Variants in RIPK4 observed in about 807,000 individuals in gnomAD.
RIPK4 encodes receptor interacting serine/threonine kinase 4.
RIPK4 carries 17 observed loss-of-function variants against 42.9 expected under a neutral mutation model. The ratio of observed to expected loss-of-function variants is 0.40; its 90% CI spans 0.27 to 0.59. RIPK4 has a LOEUF of 0.59. Ranked by LOEUF, RIPK4 falls within the 20% of genes least tolerant of loss-of-function variation. The pLI is 0.47. For missense variants in RIPK4, 897 were observed against 1,104.4 expected, an observed-to-expected ratio of 0.81 and a Z score of 2.66; for synonymous variants, 498 against 499.1, an observed-to-expected ratio of 1.00 and a Z score of 0.03.
intron 1 of RIPK4, among the ~76,000 whole-genome samples, chr21:41,761,036 T>C (rs1230492612): frequency 6.6e-6 from 1 of 151,994 alleles, no homozygotes; most frequent in Non-Finnish European, 1.5e-5. Context: ...GCTTCCTCCC[T>C]CTCCAGGGGA....
intron 4 of RIPK4, 37 bp from the exon 5 acceptor site, chr21:41,746,808 G>A (rs774772567): frequency 1.6e-5 from 25 of 1,538,592 alleles, no homozygotes; most frequent in Middle Eastern, 3.5e-4. Flanking sequence ...GGCTCTGCAG[G>A]GCTGGGTGGC....
At position 41,743,982 on chromosome 21, in the gene RIPK4, G is replaced by A. The variant is rs922401728; in HGVS notation, c.1095C>T (p.Ser365=). Residue 365 remains serine (S), a synonymous_variant, in exon 7 of 8, where the codon TCC becomes TCT. Coordinates refer to ENST00000332512, the MANE Select transcript of RIPK4 (RefSeq NM_020639.3). ...RSSSESKLPS[S]GSGKRLSGVS... ...CCCCCGAGAGCCTCTTCCCACTGCC[G>A]GACGATGGCAGCTTGGACTCAGAGG... The A allele has an allele frequency of 6.2e-6, 10 of 1,613,374 alleles. No individual in the cohort carries two copies. The highest frequency in any genetic ancestry group is 2.7e-5 in the African/African-American group (2 of 74,900).
intron 1 of RIPK4, among the ~76,000 whole-genome samples, chr21:41,757,758 T>C (rs1343922106): frequency 6.6e-6 from 1 of 151,250 alleles, no homozygotes. Context: ...CCCAGCACTT[T>C]GGGAGGCCGA....
At chr21:41,746,796 G>A in intron 4 of RIPK4, 25 bp from the exon 5 acceptor site, 1 of 1,560,584 alleles carries the variant, frequency 6.4e-7, no homozygotes, top group Non-Finnish European at 8.7e-7. Context: ...ATGCGAGTCA[G>A]GGGCTCTGCA....
At chr21:41,758,925 C>T (rs954617931) in intron 1 of RIPK4, among the ~76,000 whole-genome samples, 3 of 152,176 alleles carry the variant, frequency 2.0e-5, no homozygotes, top group South Asian at 2.1e-4. Context: ...TCTCAGAATG[C>T]GTTCAGAGTA....
chr21:41,753,370 T>A (rs1232203876), intron 2 of RIPK4, among the ~76,000 whole-genome samples: 1 of 152,212 alleles, frequency 6.6e-6, no homozygotes, highest in East Asian at 1.9e-4. Context: ...CTTTGTCAGA[T>A]AGAGCCAGCC....
chr21:41,764,321 A>T (rs746611873), intron 1 of RIPK4, among the ~76,000 whole-genome samples: 3 of 152,214 alleles, frequency 2.0e-5, no homozygotes, highest in Non-Finnish European at 4.4e-5. Flanking sequence ...TTGAGAGGCA[A>T]GCAGCGTTGG....
intron 1 of RIPK4, among the ~76,000 whole-genome samples, chr21:41,758,560 G>A (rs971805802): frequency 4.6e-5 from 7 of 152,116 alleles, no homozygotes; most frequent in Non-Finnish European, 8.8e-5. Context: ...AATTCTTTTC[G>A]ATACATACCT....
Position 41,740,981 on chromosome 21 carries a change from C to T in RIPK4, c.2212G>A (p.Ala738Thr), listed in dbSNP as rs369156558. 52 of 1,610,824 alleles carry T rather than the reference C, an allele frequency of 3.2e-5. No homozygotes were observed. Among genetic ancestry groups the T allele is most frequent in the Admixed American group, 5.0e-5 (3 of 59,934 alleles). The change falls in exon 8 of 8, where the codon GCG becomes ACG. Residue 738 changes from alanine to threonine, a missense_variant. Coordinates refer to ENST00000332512, the MANE Select transcript of RIPK4 (RefSeq NM_020639.3). ...CGGCCCTGGGCGGCCAGGTGCAGCG[C>T]GCTGAGCCCCTGCTCGTCGAACAGG... ...IDLFDEQGLS[A>T]LHLAAQGRHA...
rs1346866166 is a variant in RIPK4 at position 41,751,922 on chromosome 21, G to C, written c.475-677C>G. ...GCTGGCAGCGCCCGGGCCCCAAGGA[G>C]CACCGGCCACCCAGCTCCTCCAGGA... On this transcript the variant is annotated intron_variant, in intron 2 of 7. Transcript: ENST00000332512. The surrounding 1 kb of genome is among the most constrained non-coding windows in gnomAD (Gnocchi z 4.5). Among the ~76,000 whole-genome samples, 1 of 152,184 alleles carries C rather than the reference G, an allele frequency of 6.6e-6. No individual in the cohort carries two copies. Among genetic ancestry groups the C allele is most frequent in the African/African-American group, 2.4e-5 (1 of 41,440 alleles).
In RIPK4 at chr21:41,751,206, G is replaced by A; in HGVS notation, c.514C>T (p.His172Tyr). ...FGLAKCNGLS[H>Y]SHDLSMDGLF... The stretch of plus-strand genomic sequence containing the variant: ...CCATCCATGCTGAGGTCATGCGAGT[G>A]GGACAGCCCGTTGCACTTGGCCAGA... Residue 172 changes from histidine (H) to tyrosine (Y), a missense_variant, in exon 3 of 8, where the codon CAC becomes TAC. Physicochemically the swap from His to Tyr is moderately conservative, Grantham distance 83. Coordinates refer to ENST00000332512, the MANE Select transcript of RIPK4 (RefSeq NM_020639.3). This position sits in a 1 kb window ranked among gnomAD's most constrained non-coding sequence, Gnocchi z 4.5. 1 of 1,614,250 alleles carries A rather than the reference G, an allele frequency of 6.2e-7. No individual in the cohort carries two copies. Among genetic ancestry groups the A allele is most frequent in the Non-Finnish European group, 8.5e-7 (1 of 1,180,046 alleles).
intron 2 of RIPK4, among the ~76,000 whole-genome samples, chr21:41,754,391 G>A (rs201493917): frequency 1.6e-4 from 24 of 152,302 alleles, no homozygotes; most frequent in East Asian, 7.7e-4. Context: ...TAAGAAGGAC[G>A]CCACACAAAA....
At chr21:41,756,392 G>C in intron 2 of RIPK4, 133 bp downstream of exon 2, 1 of 1,172,534 alleles carries the variant, frequency 8.5e-7, no homozygotes, top group South Asian at 1.5e-5. Flanking sequence ...TCGGTTTCAA[G>C]CTCTTTCCTC....
chr21:41,753,187 G>A (rs1382801791), intron 2 of RIPK4, among the ~76,000 whole-genome samples: 1 of 151,526 alleles, frequency 6.6e-6, no homozygotes, highest in Non-Finnish European at 1.5e-5. Flanking sequence ...CTCTGTGCCT[G>A]TTTCCTTTTT....
At chr21:41,744,219 A>G in intron 6 of RIPK4, 79 bp from the exon 7 acceptor site, 2 of 1,424,280 alleles carry the variant, frequency 1.4e-6, no homozygotes, top group South Asian at 2.9e-5. Flanking sequence ...AACACAGAAG[A>G]GCAAGGTGGG....
intron 1 of RIPK4, among the ~76,000 whole-genome samples, chr21:41,758,952 G>A (rs2061212940): frequency 6.6e-6 from 1 of 152,176 alleles, no homozygotes; most frequent in South Asian, 2.1e-4. Context: ...TGAATCCCAC[G>A]GACGCACGCT....
chr21:41,748,142 C>T (rs748989433), intron 4 of RIPK4, among the ~76,000 whole-genome samples: 15 of 152,224 alleles, frequency 9.9e-5, no homozygotes, highest in African/African-American at 3.1e-4. Flanking sequence ...AGACGGACAC[C>T]GGCCAGCAGA....
intron 1 of RIPK4, among the ~76,000 whole-genome samples, chr21:41,761,080 G>A (rs929735471): frequency 2.0e-5 from 3 of 152,182 alleles, no homozygotes; most frequent in African/African-American, 7.2e-5. Flanking sequence ...GCTTGGGCCA[G>A]GCTCTGGGAC....
In RIPK4 at chr21:41,767,049, G is replaced by T. The variant is rs780011874; in HGVS notation, c.-8C>A. The T allele has an allele frequency of 6.5e-7, 1 of 1,540,318 alleles. No individual in the cohort carries two copies. Among genetic ancestry groups the T allele is most frequent in the South Asian group, 1.2e-5 (1 of 82,898 alleles). On this transcript the variant is annotated 5_prime_UTR_variant, in exon 1 of 8. Transcript: ENST00000332512. The surrounding 1 kb of genome is among the most constrained non-coding windows in gnomAD (Gnocchi z 4.0). ...CCCGCCGTCGCCCTCCATCGCGCAC[G>T]TCTAGCCAGCGCCGCGGCGGCTGCC...
Sources: gnomAD v4.1 joint callset for allele counts (sites outside exome capture counted in the v4.1 genomes callset) on GRCh38, gnomAD v4.1.1 for gene constraint, Gnocchi (gnomAD v3.1) non-coding constraint, MANE v1.5 for transcripts, NCBI Gene and HGNC (gene_info 2026-07-23, HGNC 2026-07-21) for gene names.